Variants in CBR4 observed in about 807,000 individuals in gnomAD.
CBR4 encodes 3-oxoacyl-[acyl-carrier-protein] reductase.
Under a neutral mutation model 21.0 loss-of-function variants are expected in CBR4, and 22 were observed. That is an observed-to-expected ratio of 1.05 (90% CI 0.75 to 1.50). The LOEUF is 1.50. CBR4 is among the 40% of genes most tolerant of loss of function. The pLI is 0.00. For missense variants in CBR4, 302 were observed against 286.3 expected (o/e 1.05, Z -0.40); for synonymous variants, 100 against 104.4 (o/e 0.96, Z 0.26).
At chr4:169,003,105 C>G (rs1477813837) in intron 3 of CBR4, among the ~76,000 whole-genome samples, 1 of 152,140 alleles carries the variant, frequency 6.6e-6, no homozygotes, top group Non-Finnish European at 1.5e-5. Context: ...AGGGATAATT[C>G]TGACTTTCAA....
At chr4:168,925,244 T>C in intron 2 of CBR4, 1 of 1,609,274 alleles carries the variant, frequency 6.2e-7, no homozygotes, top group Non-Finnish European at 8.5e-7. Context: ...TTCTCGACAT[T>C]AATAGTGAAC....
intron 2 of CBR4, among the ~76,000 whole-genome samples, chr4:168,903,093 A>T (rs1008142264): frequency 2.0e-5 from 3 of 152,312 alleles, no homozygotes; most frequent in South Asian, 4.1e-4. Context: ...CCCAAGTTAC[A>T]TATCTGAAAA....
intron 4 of CBR4, among the ~76,000 whole-genome samples, chr4:168,997,530 G>A (rs951007798): frequency 2.6e-5 from 4 of 152,090 alleles, no homozygotes; most frequent in African/African-American, 9.7e-5. Context: ...GAAGGTCTAG[G>A]CTGCAGTGAG....
chr4:168,952,580 T>C (rs1763571644), intron 2 of CBR4, among the ~76,000 whole-genome samples: 3 of 152,206 alleles, frequency 2.0e-5, no homozygotes, highest in South Asian at 2.1e-4. Flanking sequence ...TGAAGGCTGT[T>C]GTTCAGATTC....
chr4:169,007,395 G>A (rs1282581942), intron 2 of CBR4, among the ~76,000 whole-genome samples: 1 of 152,000 alleles, frequency 6.6e-6, no homozygotes, highest in Non-Finnish European at 1.5e-5. Flanking sequence ...CTGGAGCACT[G>A]GAAACATTCT....
At chr4:168,952,712 C>A (rs1274096279) in intron 2 of CBR4, among the ~76,000 whole-genome samples, 1 of 152,224 alleles carries the variant, frequency 6.6e-6, no homozygotes, top group Non-Finnish European at 1.5e-5. Context: ...CCCAGCAAGT[C>A]TACCAGGCTC....
intron 2 of CBR4, among the ~76,000 whole-genome samples, chr4:168,948,977 T>C (rs147793437): frequency 6.6e-6 from 1 of 152,244 alleles, no homozygotes; most frequent in Non-Finnish European, 1.5e-5. Context: ...TTTCACAATA[T>C]TGATTCTACC....
chr4:168,964,042 G>C (rs1763944515), intron 2 of CBR4, among the ~76,000 whole-genome samples: 2 of 152,114 alleles, frequency 1.3e-5, no homozygotes, highest in African/African-American at 2.4e-5. Flanking sequence ...CAGTAGTATA[G>C]TAACCCATCA....
intron 2 of CBR4, among the ~76,000 whole-genome samples, chr4:168,919,142 C>T (rs1760877906): frequency 6.6e-6 from 1 of 152,088 alleles, no homozygotes; most frequent in Non-Finnish European, 1.5e-5. Flanking sequence ...CATAACTGTC[C>T]TTAAAACGCC....
At chr4:168,916,104 G>A (rs576733987) in intron 2 of CBR4, 231 of 1,378,952 alleles carry the variant, frequency 1.7e-4, no homozygotes, top group Non-Finnish European at 2.1e-4. Context: ...GTTCCTTTTG[G>A]GGAAATTACA....
In CBR4 at chr4:168,913,981, C is replaced by T. The variant is rs947238696; in HGVS notation, n.170-19216G>A. 6.2e-7 allele frequency: 1 copy of T among 1,612,904 alleles called. No homozygotes were observed. Among genetic ancestry groups the T allele is most frequent in the Non-Finnish European group, 8.5e-7 (1 of 1,178,910 alleles). On this transcript the variant is annotated intron_variant and non_coding_transcript_variant, in intron 2 of 3. Transcript: ENST00000509108. ...GGTACAGGCTGTCAACCAAAGAGGT[C>T]GAAGTCCCCGGTCTCCCTCAGGCCA...
intron 2 of CBR4, among the ~76,000 whole-genome samples, chr4:168,967,130 G>T (rs1236248318): frequency 6.6e-6 from 1 of 152,086 alleles, no homozygotes; most frequent in Middle Eastern, 3.2e-3. Flanking sequence ...TGATAGAGTA[G>T]ATTAAGAAAA....
intron 2 of CBR4, among the ~76,000 whole-genome samples, chr4:168,919,613 A>G (rs1204175570): frequency 1.3e-5 from 2 of 152,130 alleles, no homozygotes; most frequent in African/African-American, 4.8e-5. Flanking sequence ...GAAAGGGGAA[A>G]AAATCCTGAC....
At position 168,987,760 on chromosome 4, in the gene CBR4, A is replaced by G; in HGVS notation, c.*2390T>C. ...GCGTAGTCTTCTCTCTTTATTCTGA[A>G]TAACAGAAGCACGTAAATTAAATTA... On this transcript the variant is annotated 3_prime_UTR_variant, in exon 5 of 5. Coordinates refer to ENST00000306193, the MANE Select transcript of CBR4 (RefSeq NM_032783.5). The G allele has an allele frequency of 1.0e-6, 1 of 985,112 alleles. No individual in the cohort carries two copies. Among genetic ancestry groups the G allele is most frequent in the Non-Finnish European group, 1.2e-6 (1 of 829,628 alleles). 61.0% of individuals were successfully genotyped at this position (985,112 alleles called of 1,614,324 possible). A position where few individuals can be genotyped will look rare whatever the true frequency, so the allele number is the denominator to read the frequency against.
At chr4:168,896,512 A>G in intron 2 of CBR4, 1 of 1,197,710 alleles carries the variant, frequency 8.3e-7, no homozygotes, top group Non-Finnish European at 1.2e-6. Context: ...TATTATTTCT[A>G]TTATTAGTCT....
chr4:168,903,394 G>A (rs1161853411), intron 2 of CBR4, among the ~76,000 whole-genome samples: 1 of 151,750 alleles, frequency 6.6e-6, no homozygotes, highest in African/African-American at 2.4e-5. Flanking sequence ...AAGAAAAATG[G>A]CCTTCATAGA....
chr4:168,909,291 C>CA (rs1354180761), intron 2 of CBR4, among the ~76,000 whole-genome samples: 3 of 152,116 alleles, frequency 2.0e-5, no homozygotes, highest in Non-Finnish European at 4.4e-5. Context: ...ATTATGTATA[C>CA]AAGTGGCAAG....
chr4:168,927,965 T>TA (rs1762767340), intron 2 of CBR4: 3 of 196,612 alleles, frequency 1.5e-5, no homozygotes, highest in East Asian at 1.6e-4. Flanking sequence ...TCATACGTAG[T>TA]ATTTTTTAAA....
chr4:168,921,792 A>G, intron 2 of CBR4: 1 of 1,318,408 alleles, frequency 7.6e-7, no homozygotes, highest in Non-Finnish European at 1.1e-6. Context: ...CATCAGACTT[A>G]CAAATGTAAA....
Sources: gnomAD v4.1 joint callset for allele counts (sites outside exome capture counted in the v4.1 genomes callset) on GRCh38, gnomAD v4.1.1 for gene constraint, MANE v1.5 for transcripts, NCBI Gene and HGNC (gene_info 2026-07-23, HGNC 2026-07-21) for gene names.